The following NEBL variants were observed in gnomAD, a reference collection of about 807,000 sequenced individuals.
NEBL encodes the protein LIM and SH3 protein 2.
NEBL carries 122 observed loss-of-function variants against 140.2 expected under a neutral mutation model. That is an observed-to-expected ratio of 0.87 (90% CI 0.75 to 1.01). The LOEUF (loss-of-function observed/expected upper bound fraction) is 1.01. NEBL is among the 50% of genes least tolerant of loss of function. The pLI is 0.00. For missense variants in NEBL, 1,365 were observed against 1,231.3 expected (o/e 1.11, Z -1.62); for synonymous variants, 436 against 398.9 (o/e 1.09, Z -1.11).
chr10:20,844,982 C>A (rs1354969929), intron 12 of NEBL, among the ~76,000 whole-genome samples: 1 of 152,006 alleles, frequency 6.6e-6, no homozygotes, highest in East Asian at 1.9e-4. Flanking sequence ...ATTTATAGAG[C>A]TTCTGAGCTA....
intron 2 of NEBL, among the ~76,000 whole-genome samples, chr10:21,057,542 CTTTTTTT>C (rs5783764): frequency 5.7e-4 from 41 of 71,758 alleles, no homozygotes; most frequent in African/African-American, 1.9e-3. Flanking sequence ...AATGAAATTC[CTTTTTTT>C]TTTTTTTTTT....
intron 2 of NEBL, among the ~76,000 whole-genome samples, chr10:21,039,170 T>C (rs564223837): frequency 6.6e-6 from 1 of 151,614 alleles, no homozygotes; most frequent in African/African-American, 2.4e-5. Context: ...TCCCATTCTG[T>C]AGGTTGCCTG....
intron 3 of NEBL, among the ~76,000 whole-genome samples, chr10:21,012,976 T>A (rs971134693): frequency 2.6e-5 from 4 of 151,970 alleles, no homozygotes; most frequent in Middle Eastern, 3.2e-3. Flanking sequence ...GATTAAAGGG[T>A]CGAAAACCTA....
In NEBL at chr10:21,067,193, G is replaced by C. The variant is rs1029925399; in HGVS notation, c.165-46992C>G. On this transcript the variant is annotated intron_variant, in intron 2 of 6. Coordinates refer to the NEBL transcript ENST00000417816. ...TCACCGTGTTAGCCAGGATGGTCTCGATCTCCTGACCTTGTGATCCGCCCA... is the reference window on the plus strand; with the variant it reads ...TCACCGTGTTAGCCAGGATGGTCTCCATCTCCTGACCTTGTGATCCGCCCA... Among the ~76,000 whole-genome samples, 12 of 152,012 alleles carry C rather than the reference G, an allele frequency of 7.9e-5. No homozygotes were observed. The South Asian group carries it at 1.5e-3, about 18-fold the overall frequency.
intron 1 of NEBL, among the ~76,000 whole-genome samples, chr10:21,290,090 C>A (rs1319891489): frequency 6.6e-6 from 1 of 152,184 alleles, no homozygotes; most frequent in African/African-American, 2.4e-5. Flanking sequence ...TGTAAAGAAT[C>A]TAATAAGGAA....
At chr10:21,260,200 G>T (rs1475093073) in intron 1 of NEBL, among the ~76,000 whole-genome samples, 1 of 152,134 alleles carries the variant, frequency 6.6e-6, no homozygotes, top group Non-Finnish European at 1.5e-5. Context: ...CAGCTCATCC[G>T]GGAATCCGGT....
At position 20,884,340 on chromosome 10, in the gene NEBL, G is replaced by A. The variant is rs186190475; in HGVS notation, c.370-3436C>T. Among the ~76,000 whole-genome samples the A allele has an allele frequency of 3.7e-3, 569 of 152,230 alleles. 2 individuals carry two copies. Among genetic ancestry groups the A allele is most frequent in the African/African-American group, 0.013 (544 of 41,530 alleles). ...GATCTGCCCACCTCGGCCTTCCAAA[G>A]TTCTGGGATTACAGGCACGAGCCAC... On this transcript the variant is annotated intron_variant, in intron 4 of 27. Coordinates refer to ENST00000377122, the MANE Select transcript of NEBL (RefSeq NM_006393.3).
intron 2 of NEBL, among the ~76,000 whole-genome samples, chr10:21,053,558 T>C (rs1476249690): frequency 1.3e-5 from 2 of 152,238 alleles, no homozygotes; most frequent in African/African-American, 4.8e-5. Context: ...ATTTTTCAAG[T>C]ATAAAAATAA....
At chr10:21,156,221 AC>A (rs1840332411) in intron 2 of NEBL, among the ~76,000 whole-genome samples, 1 of 152,198 alleles carries the variant, frequency 6.6e-6, no homozygotes, top group Non-Finnish European at 1.5e-5. Context: ...TTCTTTAAAG[AC>A]CAGGAGAGTT....
rs79173137 is a variant in NEBL, at chr10:21,050,571, C to T, written c.165-30370G>A. On this transcript the variant is annotated intron_variant, in intron 2 of 6. Coordinates refer to the NEBL transcript ENST00000417816. ...CGGGGAGAAGCATGAGAACAATGAA[C>T]CAGCAGTAAAGCAAAATAAAGAAAG... Among the ~76,000 whole-genome samples, 1,396 of 152,292 alleles carry T rather than the reference C, an allele frequency of 9.2e-3. 45 individuals are homozygous for T. The East Asian group carries it at 0.098, about 11-fold the overall frequency.
At chr10:21,240,857 G>A (rs553349433) in intron 3 of NEBL, among the ~76,000 whole-genome samples, 2 of 149,960 alleles carry the variant, frequency 1.3e-5, no homozygotes, top group Non-Finnish European at 3.0e-5. Flanking sequence ...GGGAAGAAAA[G>A]GAGGAGGAAC....
At chr10:20,981,271 C>T (rs994935438) in intron 3 of NEBL, among the ~76,000 whole-genome samples, 16 of 151,130 alleles carry the variant, frequency 1.1e-4, no homozygotes, top group African/African-American at 3.7e-4. Context: ...ACAGTCTACC[C>T]GAAATGGCTT....
At chr10:21,039,618 AAC>A (rs773544385) in intron 2 of NEBL, among the ~76,000 whole-genome samples, 30 of 152,186 alleles carry the variant, frequency 2.0e-4, no homozygotes, top group Non-Finnish European at 1.8e-4. Context: ...GTAACCACTG[AAC>A]ATAACTTAAA....
intron 3 of NEBL, among the ~76,000 whole-genome samples, chr10:20,984,759 A>G (rs2131672124): frequency 6.6e-6 from 1 of 152,082 alleles, no homozygotes; most frequent in South Asian, 2.1e-4. Flanking sequence ...GTACCGGTCC[A>G]TGGCCTGCTA....
At chr10:21,049,013 T>C (rs1834645637) in intron 2 of NEBL, among the ~76,000 whole-genome samples, 1 of 151,828 alleles carries the variant, frequency 6.6e-6, no homozygotes, top group Admixed American at 6.6e-5. Flanking sequence ...CCAACTCAAA[T>C]AAATAAATAA....
intron 4 of NEBL, among the ~76,000 whole-genome samples, chr10:20,925,228 C>T (rs935187862): frequency 6.6e-6 from 1 of 152,062 alleles, no homozygotes; most frequent in African/African-American, 2.4e-5. Flanking sequence ...AAATTATATC[C>T]AGAAATGGAA....
intron 2 of NEBL, among the ~76,000 whole-genome samples, chr10:21,151,519 A>G (rs1033318108): frequency 6.6e-6 from 1 of 152,172 alleles, no homozygotes; most frequent in Admixed American, 6.5e-5. Context: ...GTGAAAAAAA[A>G]CTTAAAACCT....
intron 2 of NEBL, among the ~76,000 whole-genome samples, chr10:21,060,359 C>T (rs1009171674): frequency 6.6e-6 from 1 of 152,128 alleles, no homozygotes; most frequent in African/African-American, 2.4e-5. Flanking sequence ...GGGTAAAAGT[C>T]ATCACAAGGC....
intron 26 of NEBL, among the ~76,000 whole-genome samples, chr10:20,801,472 C>T (rs1009102526): frequency 1.8e-4 from 27 of 152,230 alleles, no homozygotes; most frequent in African/African-American, 5.8e-4. Flanking sequence ...GCTGGAATTA[C>T]AGGCATAAGT....
Sources: allele counts gnomAD v4.1 joint callset (sites outside exome capture counted in the v4.1 genomes callset), GRCh38; gene constraint gnomAD v4.1.1; transcripts MANE v1.5; gene names NCBI Gene and HGNC (gene_info 2026-07-23, HGNC 2026-07-21).